CCSER1: variants seen among roughly 807,000 people sequenced by gnomAD.
CCSER1 encodes the protein serine-rich coiled-coil domain-containing protein 1.
A neutral mutation model predicts 82.0 loss-of-function variants in CCSER1; 41 were observed. That is an observed-to-expected ratio of 0.50 (90% confidence interval 0.39 to 0.65). The LOEUF (loss-of-function observed/expected upper bound fraction) is 0.65. CCSER1 is among the 30% of genes least tolerant of loss of function. CCSER1 has a pLI of 0.00. For synonymous variants in CCSER1, 414 were observed against 383.9 expected (o/e 1.08, Z -0.92); for missense variants, 1,119 against 1,064.2 (o/e 1.05, Z -0.72).
At chr4:91,205,200 T>G (rs1736239336) in intron 10 of CCSER1, among the ~76,000 whole-genome samples, 1 of 151,924 alleles carries the variant, frequency 6.6e-6, no homozygotes, top group Non-Finnish European at 1.5e-5. Flanking sequence ...AGTAATTAAA[T>G]TTTTTCTTCA....
chr4:90,870,814 G>C (rs1352857539), intron 8 of CCSER1, among the ~76,000 whole-genome samples: 1 of 114,858 alleles, frequency 8.7e-6, no homozygotes, highest in Non-Finnish European at 1.8e-5. Context: ...CAGGTCCTTG[G>C]CTTTTTTTTT....
chr4:91,573,402 G>T (rs561976007), intron 10 of CCSER1, among the ~76,000 whole-genome samples: 1 of 152,162 alleles, frequency 6.6e-6, no homozygotes, highest in Non-Finnish European at 1.5e-5. Context: ...ACACAGGGGT[G>T]TAACCTCCTA....
chr4:90,244,728 C>T (rs1031859196), intron 1 of CCSER1, among the ~76,000 whole-genome samples: 2 of 152,130 alleles, frequency 1.3e-5, no homozygotes, highest in African/African-American at 4.8e-5. Flanking sequence ...GGAAACCGCC[C>T]CCATAATCCA....
At chr4:91,029,270 C>T (rs150360745) in intron 9 of CCSER1, among the ~76,000 whole-genome samples, 42 of 145,848 alleles carry the variant, frequency 2.9e-4, no homozygotes, top group Non-Finnish European at 5.3e-4. Context: ...ACTTATCGTT[C>T]GGTTTTTTTT....
intron 1 of CCSER1, among the ~76,000 whole-genome samples, chr4:90,209,923 G>T (rs1404677816): frequency 2.6e-5 from 4 of 151,396 alleles, no homozygotes; most frequent in Admixed American, 6.6e-5. Context: ...TTTTGTTTTG[G>T]TTTGGTTTGG....
chr4:91,533,918 T>C (rs1330919939), intron 10 of CCSER1, among the ~76,000 whole-genome samples: 1 of 152,032 alleles, frequency 6.6e-6, no homozygotes, highest in African/African-American at 2.4e-5. Flanking sequence ...CTTTCTCTGC[T>C]TCTTGCAGGA....
chr4:90,477,522 G>C (rs918147882), intron 5 of CCSER1, among the ~76,000 whole-genome samples: 7 of 152,154 alleles, frequency 4.6e-5, no homozygotes, highest in Non-Finnish European at 1.0e-4. Flanking sequence ...AAGAATAAGG[G>C]ATTGGATCTC....
At chr4:90,582,851 GAA>G (rs1781554688) in intron 5 of CCSER1, among the ~76,000 whole-genome samples, 1 of 152,022 alleles carries the variant, frequency 6.6e-6, no homozygotes, top group Non-Finnish European at 1.5e-5. Flanking sequence ...TCATGCTTGA[GAA>G]AAAATATAGT....
intron 5 of CCSER1, among the ~76,000 whole-genome samples, chr4:90,603,255 C>A (rs1784246305): frequency 6.6e-6 from 1 of 152,204 alleles, no homozygotes; most frequent in Non-Finnish European, 1.5e-5. Context: ...TCTGGACGTG[C>A]AGACAGAGCC....
chr4:91,518,797 C>T (rs1246693840), intron 10 of CCSER1, among the ~76,000 whole-genome samples: 1 of 152,152 alleles, frequency 6.6e-6, no homozygotes, highest in Admixed American at 6.5e-5. Context: ...AGAGACTCTT[C>T]CCAGGGAAAC....
At chr4:91,317,519 G>A (rs1014945690) in intron 10 of CCSER1, among the ~76,000 whole-genome samples, 7 of 151,830 alleles carry the variant, frequency 4.6e-5, no homozygotes, top group African/African-American at 1.7e-4. Context: ...AAGTTTGTCA[G>A]CTTTGCCTGG....
chr4:91,005,200 C>T (rs1044254399), intron 9 of CCSER1, among the ~76,000 whole-genome samples: 5 of 152,164 alleles, frequency 3.3e-5, no homozygotes, highest in African/African-American at 1.2e-4. Context: ...AGAGTTAACA[C>T]AAGAGTCTTT....
chr4:90,391,355 G>A (rs1751019260), intron 3 of CCSER1, among the ~76,000 whole-genome samples: 1 of 142,064 alleles, frequency 7.0e-6, no homozygotes, highest in Non-Finnish European at 1.5e-5. Context: ...TTGAGGTGAT[G>A]AATACCCCAT....
At chr4:90,883,079 A>G (rs772699679) in intron 8 of CCSER1, among the ~76,000 whole-genome samples, 1 of 152,030 alleles carries the variant, frequency 6.6e-6, no homozygotes, top group African/African-American at 2.4e-5. Flanking sequence ...ATCAACACAC[A>G]TGTAGTAAGT....
intron 10 of CCSER1, among the ~76,000 whole-genome samples, chr4:91,413,410 T>A (rs966822898): frequency 2.6e-5 from 4 of 151,948 alleles, no homozygotes; most frequent in African/African-American, 9.7e-5. Context: ...CAGTGAGCTA[T>A]AATCCTTCCA....
At chr4:91,052,874 C>A (rs1270794666) in intron 9 of CCSER1, among the ~76,000 whole-genome samples, 2 of 152,028 alleles carry the variant, frequency 1.3e-5, no homozygotes, top group African/African-American at 4.8e-5. Context: ...TTATGTAGGG[C>A]ATGATTTAAG....
At chr4:91,270,436 T>A (rs2149181340) in intron 10 of CCSER1, among the ~76,000 whole-genome samples, 1 of 152,316 alleles carries the variant, frequency 6.6e-6, no homozygotes, top group Non-Finnish European at 1.5e-5. Flanking sequence ...ACAACGTTCA[T>A]CACATTTTTT....
At chr4:91,200,792 C>T (rs776052002) in intron 10 of CCSER1, among the ~76,000 whole-genome samples, 1 of 151,794 alleles carries the variant, frequency 6.6e-6, no homozygotes, top group African/African-American at 2.4e-5. Flanking sequence ...TCTTTAATAC[C>T]AGATTCATAT....
chr4:91,528,471 T>C (rs1307931387), intron 10 of CCSER1, among the ~76,000 whole-genome samples: 3 of 152,078 alleles, frequency 2.0e-5, no homozygotes, highest in Non-Finnish European at 4.4e-5. Context: ...AATTCCTTTT[T>C]CCAAAAAAAG....
Sources: gnomAD v4.1 joint callset for allele counts (sites outside exome capture counted in the v4.1 genomes callset) on GRCh38, gnomAD v4.1.1 for gene constraint, MANE v1.5 for transcripts, NCBI Gene and HGNC (gene_info 2026-07-23, HGNC 2026-07-21) for gene names.